Variants in CALD1 observed in about 807,000 individuals in gnomAD.
CALD1 encodes caldesmon 1, also known as caldesmon.
A neutral mutation model predicts 99.9 loss-of-function variants in CALD1; 33 were observed. The ratio of observed to expected loss-of-function variants is 0.33; its 90% CI spans 0.25 to 0.44. The LOEUF (loss-of-function observed/expected upper bound fraction) is 0.44, where lower values mean the gene tolerates loss of function less well. Ranked by LOEUF, CALD1 falls within the 20% of genes least tolerant of loss-of-function variation. CALD1 has a pLI of 1.00. For synonymous variants in CALD1, 310 were observed against 325.0 expected, an observed-to-expected ratio of 0.95 and a Z score of 0.50; for missense variants, 861 against 962.1, an observed-to-expected ratio of 0.89 and a Z score of 1.39.
At chr7:134,791,486 C>T (rs1470841) in intron 1 of CALD1, among the ~76,000 whole-genome samples, 9,385 of 152,164 alleles carry the variant, frequency 0.062, 340 homozygotes, top group African/African-American at 0.1. Flanking sequence ...GGACCATGCC[C>T]GGCCACAACA....
At position 134,968,391 on chromosome 7, in the gene CALD1, G is replaced by A; in HGVS notation, c.*46G>A. 1 of 1,574,626 alleles carries A rather than the reference G, an allele frequency of 6.4e-7. No individual in the cohort carries two copies. Among genetic ancestry groups the A allele is most frequent in the Non-Finnish European group, 8.7e-7 (1 of 1,144,094 alleles). On this transcript the variant is annotated 3_prime_UTR_variant, in exon 15 of 15. Coordinates refer to ENST00000361675, the MANE Select transcript of CALD1 (RefSeq NM_033138.4). ...AAGCTCAAGACGCAGGACGAGCTCA[G>A]TTGTAGAGGGCTAATTCGCTCTGTT...
At chr7:134,934,740 G>C (rs1009379731) in intron 5 of CALD1, among the ~76,000 whole-genome samples, 11 of 152,008 alleles carry the variant, frequency 7.2e-5, no homozygotes, top group African/African-American at 2.7e-4. Context: ...AATTAGCTGG[G>C]TGTACCGGCA....
Position 134,949,024 on chromosome 7 carries a change from G to A in CALD1, c.1794+1255G>A, listed in dbSNP as rs1807130404. ...CCTTGGGAAAACTGGACTACTCTGT[G>A]TCTTCTTTTCCTTATCTGTGAAATA... On this transcript the variant is annotated intron_variant, in intron 8 of 14. Coordinates refer to ENST00000361675, the MANE Select transcript of CALD1 (RefSeq NM_033138.4). Among the ~76,000 whole-genome samples the A allele has an allele frequency of 2.6e-5, 4 of 152,130 alleles. No homozygotes were observed. The South Asian group carries it at 8.3e-4, about 31-fold the overall frequency.
chr7:134,936,835 T>C (rs1395023857), intron 6 of CALD1, among the ~76,000 whole-genome samples: 1 of 152,216 alleles, frequency 6.6e-6, no homozygotes, highest in Non-Finnish European at 1.5e-5. Flanking sequence ...GAAAATTGAA[T>C]GTGAGCACAG....
chr7:134,742,833 G>A (rs926753337), upstream of CALD1, among the ~76,000 whole-genome samples: 19 of 152,114 alleles, frequency 1.2e-4, no homozygotes, highest in African/African-American at 4.1e-4. Flanking sequence ...TCATCTCCCT[G>A]AGCAGTGTTC....
chr7:134,935,863 T>C (rs1424165859), intron 6 of CALD1, 98 bp downstream of exon 6: 5 of 1,165,832 alleles, frequency 4.3e-6, no homozygotes, highest in Non-Finnish European at 6.0e-6. Flanking sequence ...TGTAACCTCA[T>C]ATCCAGTGTA....
intron 2 of CALD1, among the ~76,000 whole-genome samples, chr7:134,851,392 G>A (rs749152631): frequency 7.9e-5 from 12 of 152,082 alleles, no homozygotes; most frequent in African/African-American, 4.8e-5. Context: ...ACAGTGTTCC[G>A]GTTAACCTAC....
At chr7:134,841,423 G>T (rs1045816063) in intron 1 of CALD1, among the ~76,000 whole-genome samples, 6 of 152,212 alleles carry the variant, frequency 3.9e-5, no homozygotes, top group Admixed American at 1.3e-4. Flanking sequence ...CAAATTATGT[G>T]ACTTCCTGCC....
chr7:134,837,602 C>T (rs1412405921), intron 1 of CALD1, among the ~76,000 whole-genome samples: 1 of 152,172 alleles, frequency 6.6e-6, no homozygotes, highest in African/African-American at 2.4e-5. Flanking sequence ...CTGCCTCGGC[C>T]TCCCAAAGTG....
chr7:134,851,914 G>A (rs965460199), intron 2 of CALD1, among the ~76,000 whole-genome samples: 4 of 152,158 alleles, frequency 2.6e-5, no homozygotes, highest in East Asian at 3.9e-4. Flanking sequence ...TCACAGCTGT[G>A]ACATTATTTG....
chr7:134,776,323 T>A (rs981729442), upstream of CALD1, among the ~76,000 whole-genome samples: 2 of 152,182 alleles, frequency 1.3e-5, no homozygotes, highest in Non-Finnish European at 2.9e-5. Flanking sequence ...CCAAGAGTTT[T>A]TTTTCCAAAG....
In CALD1 at chr7:134,933,110, C is replaced by T; in HGVS notation, c.341C>T (p.Ala114Val). The T allele has an allele frequency of 6.2e-7, 1 of 1,613,902 alleles. No homozygotes were observed. Among genetic ancestry groups the T allele is most frequent in the Non-Finnish European group, 8.5e-7 (1 of 1,180,008 alleles). Residue 114 changes from alanine (A) to valine (V), a missense_variant, in exon 5 of 15, where the codon GCT (alanine) becomes GTT (valine). Around this residue, in one of 5 missense-constraint regions of CALD1, gnomAD observed 123 missense variants for 169.8 expected, o/e 0.72. Coordinates refer to ENST00000361675, the MANE Select transcript of CALD1 (RefSeq NM_033138.4). The part of the protein sequence containing the change: ...EERRQKRLQE[A>V]LERQKEFDPT... Reference sequence around the variant, plus strand: ...AGACGCCAAAAACGCCTTCAGGAGGCTCTGGAGCGGCAGAAGGAGTTCGAC... The same window carrying T: ...AGACGCCAAAAACGCCTTCAGGAGGTTCTGGAGCGGCAGAAGGAGTTCGAC...
chr7:134,845,114 A>G (rs1311897439), intron 2 of CALD1, among the ~76,000 whole-genome samples: 1 of 152,112 alleles, frequency 6.6e-6, no homozygotes, highest in African/African-American at 2.4e-5. Context: ...TAGCGATTAC[A>G]TTACTCTCAG....
chr7:134,768,266 C>T (rs959100780), intron 1 of CALD1, among the ~76,000 whole-genome samples: 2 of 152,162 alleles, frequency 1.3e-5, no homozygotes, highest in African/African-American at 4.8e-5. Flanking sequence ...CAGCCTTATT[C>T]CGGACCATCA....
rs185967483 is a variant in CALD1 at position 134,780,020 on chromosome 7, T to C, written c.-130+271T>C. Among the ~76,000 whole-genome samples the C allele has an allele frequency of 7.7e-4, 118 of 152,262 alleles. 1 individual carries two copies. Among genetic ancestry groups the C allele is most frequent in the Middle Eastern group, 3.4e-3 (1 of 294 alleles). Reference sequence around the variant, plus strand: ...ATTTAGGGAACACTGGCAACTTTGATTAGGATAGCCTTTTGTTTAGGACAG... The same window carrying C: ...ATTTAGGGAACACTGGCAACTTTGACTAGGATAGCCTTTTGTTTAGGACAG... On this transcript the variant is annotated intron_variant, in intron 1 of 14. Coordinates refer to ENST00000361675, the MANE Select transcript of CALD1 (RefSeq NM_033138.4).
intron 1 of CALD1, among the ~76,000 whole-genome samples, chr7:134,819,970 T>C (rs1229050305): frequency 6.6e-6 from 1 of 152,184 alleles, no homozygotes; most frequent in Non-Finnish European, 1.5e-5. Context: ...CCTATAAATG[T>C]ATATGCTAAA....
chr7:134,896,086 A>G (rs2132550292), intron 3 of CALD1, among the ~76,000 whole-genome samples: 1 of 152,248 alleles, frequency 6.6e-6, no homozygotes, highest in East Asian at 1.9e-4. Flanking sequence ...TGCCCTCTTT[A>G]AAATAGCCAG....
the CALD1 span, among the ~76,000 whole-genome samples, chr7:134,714,149 C>T: frequency 2.0e-5 from 3 of 152,278 alleles, no homozygotes; most frequent in South Asian, 6.2e-4. Flanking sequence ...TTCCCGAGGC[C>T]TCCAAGTGCC....
At chr7:134,770,348 C>G (rs751363427) in intron 1 of CALD1, among the ~76,000 whole-genome samples, 5 of 152,190 alleles carry the variant, frequency 3.3e-5, no homozygotes, top group Non-Finnish European at 5.9e-5. Context: ...AACTGGGTGA[C>G]TTAGAGCAAT....
Sources: allele counts gnomAD v4.1 joint callset (sites outside exome capture counted in the v4.1 genomes callset), GRCh38; gene constraint gnomAD v4.1.1; regional missense constraint gnomAD v4.1.1; transcripts MANE v1.5; gene names NCBI Gene and HGNC (gene_info 2026-07-23, HGNC 2026-07-21).